SNPH: variants seen among roughly 807,000 people sequenced by gnomAD.
The protein encoded by SNPH is syntaphilin.
SNPH carries 10 observed loss-of-function variants against 36.8 expected under a neutral mutation model. The observed-to-expected ratio is 0.27, with a 90% CI of 0.17 to 0.46. The LOEUF is 0.46. Among genes scored for constraint, SNPH ranks in the 20% least tolerant of loss-of-function variants. SNPH has a pLI of 1.00. For missense variants in SNPH, 622 were observed against 744.0 expected, an observed-to-expected ratio of 0.84 and a Z score of 1.91; for synonymous variants, 281 against 312.2, an observed-to-expected ratio of 0.90 and a Z score of 1.05.
chr20:1,305,548 A>G lies in SNPH; in HGVS notation c.1111A>G (p.Thr371Ala), dbSNP rs1470567181. 6.2e-7 allele frequency: 1 copy of G among 1,613,362 alleles called. No individual in the cohort carries two copies. Among genetic ancestry groups the G allele is most frequent in the Middle Eastern group, 1.6e-4 (1 of 6,062 alleles). Residue 371 changes from threonine to alanine, a missense_variant, in exon 7 of 7, where the codon ACC becomes GCC. Thr to Ala is a moderately conservative substitution (Grantham distance 58). Around this residue, in one of 3 missense-constraint regions of SNPH, gnomAD observed 379 missense variants for 427.9 expected, o/e 0.89. Coordinates refer to ENST00000381867, the MANE Select transcript of SNPH (RefSeq NM_001318234.2). ...CGTGCAGTACCAGCCTGACCTTGAC[A>G]CCATCCTGGAGAAAGTGACCCAGGC... ...DFVQYQPDLDTILEKVTQAQV... is the reference protein window; with the variant it reads ...DFVQYQPDLDAILEKVTQAQV...
intron 2 of SNPH, among the ~76,000 whole-genome samples, chr20:1,267,392 AAGAG>A (rs1051084621): frequency 1.9e-4 from 29 of 152,070 alleles, no homozygotes; most frequent in African/African-American, 6.8e-4. Flanking sequence ...TGCAGACTGA[AAGAG>A]AGGCCGGTCA....
intron 2 of SNPH, among the ~76,000 whole-genome samples, chr20:1,282,842 C>A (rs1320071138): frequency 2.0e-5 from 3 of 152,156 alleles, no homozygotes; most frequent in African/African-American, 7.2e-5. Context: ...AGTTAAAGCT[C>A]GTGGTCAGCC....
chr20:1,296,508 T>G, intron 4 of SNPH, 87 bp downstream of exon 4: 1 of 1,200,332 alleles, frequency 8.3e-7, no homozygotes, highest in Non-Finnish European at 1.2e-6. Flanking sequence ...CAACTTGCAG[T>G]ATGTGTTTGA....
rs780935566 is a variant in SNPH at position 1,297,204 on chromosome 20, G to A, written c.242G>A (p.Ser81Asn). ...DAYGTSSLSS[S>N]SNSGSYKGSD... ...TACGGCACCTCTTCGCTCAGCAGCA[G>A]CAGCAATTCTGGCTCCTACAAGGGC... is the stretch of plus-strand genomic sequence containing the variant. The change falls in exon 5 of 7, where the codon AGC becomes AAC. Residue 81 changes from serine to asparagine, a missense_variant. By Grantham distance (46) the Ser-to-Asn change is conservative. This residue lies in a region of SNPH where 187 missense variants were observed against 209.4 expected (regional missense o/e 0.89). Transcript: ENST00000381867. 1 of 1,613,950 alleles carries A rather than the reference G, an allele frequency of 6.2e-7. No individual in the cohort carries two copies. The highest frequency in any genetic ancestry group is 8.5e-7 in the Non-Finnish European group (1 of 1,180,004).
intron 5 of SNPH, among the ~76,000 whole-genome samples, chr20:1,299,544 C>T (rs747673750): frequency 2.6e-5 from 4 of 152,250 alleles, no homozygotes; most frequent in Admixed American, 1.3e-4. Context: ...TCCACTGGCA[C>T]CTGACTGCCC....
rs1436520638 is a variant in SNPH at position 1,307,218 on chromosome 20, C to T, written c.*1164C>T. The T allele has an allele frequency of 2.0e-5, 3 of 152,494 alleles. No homozygotes were observed. The highest frequency in any genetic ancestry group is 7.2e-5 in the African/African-American group (3 of 41,440). The allele number at this position is 152,494 out of a possible 1,614,324, so 9.4% of individuals were successfully genotyped here. ...GGTGGGGTATTCTGGCAGGATGAAT[C>T]GCAGGATGGCGCGTACTGAAGCCAC... is the stretch of plus-strand genomic sequence containing the variant. On this transcript the variant is annotated 3_prime_UTR_variant, in exon 7 of 7. Coordinates refer to ENST00000381867, the MANE Select transcript of SNPH (RefSeq NM_001318234.2).
chr20:1,289,397 G>A (rs183460183), intron 2 of SNPH, among the ~76,000 whole-genome samples: 4 of 152,112 alleles, frequency 2.6e-5, no homozygotes, highest in Admixed American at 2.0e-4. Flanking sequence ...TCAGGTAGAG[G>A]GGGGGCACTG....
chr20:1,302,615 A>G lies in SNPH; in HGVS notation c.440+1904A>G, dbSNP rs563306864. On this transcript the variant is annotated intron_variant, in intron 6 of 6. Transcript: ENST00000381867. ...TCACCTCAAAATAAACCCCATTCCC[A>G]TTAGCAATCACCGCCAGTTTCTCTC... Among the ~76,000 whole-genome samples, 478 of 152,030 alleles carry G rather than the reference A, an allele frequency of 3.1e-3. 8 individuals are homozygous for G. Among genetic ancestry groups the G allele is most frequent in the Non-Finnish European group, 3.0e-3 (205 of 67,972 alleles).
At position 1,305,425 on chromosome 20, in the gene SNPH, C is replaced by T. The variant is rs765203773; in HGVS notation, c.988C>T (p.Arg330Cys). 1.5e-5 allele frequency: 24 copies of T among 1,613,030 alleles called. 1 individual carries two copies. Among genetic ancestry groups the T allele is most frequent in the South Asian group, 6.6e-5 (6 of 91,092 alleles). The change falls in exon 7 of 7, where the codon CGC becomes TGC. Residue 330 changes from arginine (R) to cysteine (C), a missense_variant. By Grantham distance (180) the Arg-to-Cys change is radical. This residue lies in a region of SNPH where 379 missense variants were observed against 427.9 expected (regional missense o/e 0.89). Coordinates refer to ENST00000381867, the MANE Select transcript of SNPH (RefSeq NM_001318234.2). ...GCACAGCTCCTTCGGCCTGGGCCCC[C>T]GCTTCCCTGCCAGCAACACCTATGA... ...SLHSSFGLGP[R>C]FPASNTYEKL...
intron 6 of SNPH, among the ~76,000 whole-genome samples, chr20:1,302,185 C>T (rs113491220): frequency 0.09 from 7 of 78 alleles, no homozygotes; most frequent in African/African-American, 0.12. Flanking sequence ...ATCAATATTT[C>T]TATCACCTCA....
In SNPH at chr20:1,283,547, T is replaced by A. The variant is rs536117981; in HGVS notation, c.-492-11404T>A. Among the ~76,000 whole-genome samples the A allele has an allele frequency of 8.5e-5, 13 of 152,342 alleles. No homozygotes were observed. In the South Asian group the frequency reaches 2.1e-3, roughly 24 times the overall value. On this transcript the variant is annotated intron_variant, in intron 2 of 6. Transcript: ENST00000381867. ...TGCAGGCACAGAGCTGAAAGATCTT[T>A]TAATTTGTTTGAGACAAGCCAGAAA...
chr20:1,295,045 G>A (rs1279175108), intron 3 of SNPH, 67 bp downstream of exon 3: 1 of 152,692 alleles, frequency 6.5e-6, no homozygotes, highest in Non-Finnish European at 1.5e-5. Context: ...CCTCCAGCAT[G>A]GGGAGAGGTC....
chr20:1,278,060 C>CTGTT (rs10668153), intron 2 of SNPH, among the ~76,000 whole-genome samples: 107,025 of 136,210 alleles, frequency 0.79, 40,825 homozygotes, highest in South Asian at 0.89. Flanking sequence ...GTGTGTGTGT[C>CTGTT]TGTGTGTGTA....
At chr20:1,274,904 C>T (rs938812221) in intron 2 of SNPH, among the ~76,000 whole-genome samples, 32 of 152,340 alleles carry the variant, frequency 2.1e-4, no homozygotes, top group African/African-American at 7.7e-4. Context: ...CACACATCCC[C>T]TCTGTATGCA....
rs1343863086 is a variant in SNPH, at chr20:1,305,379, T to C, written c.942T>C (p.Cys314=). 1.2e-6 allele frequency: 2 copies of C among 1,612,714 alleles called. No homozygotes were observed. Among genetic ancestry groups the C allele is most frequent in the Admixed American group, 3.3e-5 (2 of 60,006 alleles). The part of the protein sequence containing the change: ...ASSLLSSGVD[C]GTEETSLHSS... Reference sequence around the variant, plus strand: ...GCCTGCTGTCGTCGGGGGTGGACTGTGGCACCGAGGAGACCTCGCTGCACA... The same window carrying C: ...GCCTGCTGTCGTCGGGGGTGGACTGCGGCACCGAGGAGACCTCGCTGCACA... Residue 314 remains cysteine (C), a synonymous_variant, in exon 7 of 7, where the codon TGT becomes TGC. Coordinates refer to ENST00000381867, the MANE Select transcript of SNPH (RefSeq NM_001318234.2).
In SNPH at chr20:1,266,656, C is replaced by G; in HGVS notation, c.-597C>G. The G allele has an allele frequency of 6.7e-7, 1 of 1,489,300 alleles. No homozygotes were observed. Among genetic ancestry groups the G allele is most frequent in the Non-Finnish European group, 8.9e-7 (1 of 1,122,198 alleles). 92.3% of individuals were successfully genotyped at this position (1,489,300 alleles called of 1,614,324 possible). ...ATCTCTTTTTCCTAACCCCGCAGGT[C>G]GCTGATCAGGGCCAGGCGGCTGCAG... On this transcript the variant is annotated splice_region_variant and 5_prime_UTR_variant, in exon 2 of 7. Coordinates refer to ENST00000381867, the MANE Select transcript of SNPH (RefSeq NM_001318234.2). The surrounding 1 kb of genome is among the most constrained non-coding windows in gnomAD (Gnocchi z 6.0).
intron 2 of SNPH, among the ~76,000 whole-genome samples, chr20:1,277,696 GTGTC>G (rs564021467): frequency 5.2e-4 from 77 of 149,420 alleles, no homozygotes; most frequent in African/African-American, 1.4e-3. Flanking sequence ...GTGTGCCTGT[GTGTC>G]TGTCTGTGCC....
chr20:1,278,032 CTG>C (rs1439253500), intron 2 of SNPH, among the ~76,000 whole-genome samples: 1 of 124,570 alleles, frequency 8.0e-6, no homozygotes, highest in Non-Finnish European at 1.6e-5. Flanking sequence ...GTATGTGTGT[CTG>C]TGTATGTGTG....
rs186929724 is a variant in SNPH at position 1,270,367 on chromosome 20, G to C, written c.-493+3607G>C. Among the ~76,000 whole-genome samples, 79 of 152,214 alleles carry C rather than the reference G, an allele frequency of 5.2e-4. 1 individual carries two copies. The highest frequency in any genetic ancestry group is 1.6e-3 in the African/African-American group (65 of 41,530). ...CATACTGATATGTGTGTGATGGGGT[G>C]GGGGGACAGAGAGAGGGGAATGATC... is the stretch of plus-strand genomic sequence containing the variant. On this transcript the variant is annotated intron_variant, in intron 2 of 6. Transcript: ENST00000381867.
Sources: gnomAD v4.1 joint callset for allele counts (sites outside exome capture counted in the v4.1 genomes callset) on GRCh38, gnomAD v4.1.1 for gene constraint, gnomAD v4.1.1 regional missense constraint, Gnocchi (gnomAD v3.1) non-coding constraint, MANE v1.5 for transcripts, NCBI Gene and HGNC (gene_info 2026-07-23, HGNC 2026-07-21) for gene names.